The following SLC30A3 variants were observed in gnomAD, a reference collection of about 807,000 sequenced individuals.
SLC30A3 encodes probable proton-coupled zinc antiporter SLC30A3.
A neutral mutation model predicts 35.6 loss-of-function variants in SLC30A3; 20 were observed. The ratio of observed to expected loss-of-function variants is 0.56; its 90% CI spans 0.39 to 0.82. The LOEUF is 0.82. Ranked by LOEUF, SLC30A3 falls within the 40% of genes least tolerant of loss-of-function variation. The pLI, the probability that SLC30A3 is intolerant of heterozygous loss-of-function variation, is 0.00. For missense variants in SLC30A3, 401 were observed against 530.6 expected (o/e 0.76, Z 2.40); for synonymous variants, 217 against 224.7 (o/e 0.97, Z 0.31).
Position 27,262,652 on chromosome 2 carries a change from G to A in SLC30A3, c.95+160C>T, listed in dbSNP as rs947333119. ...CGTAGCCGGCTGTGTAGGGCTGGGC[G>A]CTCCGTGTGGCCAGAGGGGATGAAG... On this transcript the variant is annotated intron_variant, in intron 1 of 7. Transcript: ENST00000233535. The surrounding 1 kb of genome is among the most constrained non-coding windows in gnomAD (Gnocchi z 7.5). Among the ~76,000 whole-genome samples, 1 of 152,136 alleles carries A rather than the reference G, an allele frequency of 6.6e-6. No homozygotes were observed. Among genetic ancestry groups the A allele is most frequent in the Admixed American group, 6.5e-5 (1 of 15,292 alleles).
chr2:27,273,792 G>A (rs966690653), intron 1 of SLC30A3, among the ~76,000 whole-genome samples: 1 of 150,338 alleles, frequency 6.7e-6, no homozygotes, highest in African/African-American at 2.5e-5. Flanking sequence ...ATTTACAAGT[G>A]CACCTCTAAT....
intron 1 of SLC30A3, among the ~76,000 whole-genome samples, chr2:27,261,601 T>C (rs1677185905): frequency 6.6e-6 from 1 of 152,180 alleles, no homozygotes; most frequent in Admixed American, 6.5e-5. Flanking sequence ...GAAGCCTGGC[T>C]GTTGGTGTGT....
rs373256572 is a variant in SLC30A3 at position 27,258,070 on chromosome 2, G to C, written c.425-12C>G. ...AGCCCCCAGAGTCTCTGCGGGTGGG[G>C]GGGGAGACAAGCTGTCAGAGACCTG... On this transcript the variant is annotated splice_polypyrimidine_tract_variant and intron_variant, in intron 3 of 7. Transcript: ENST00000233535. This position sits in a 1 kb window ranked among gnomAD's most constrained non-coding sequence, Gnocchi z 4.0. 56 of 1,613,420 alleles carry C rather than the reference G, an allele frequency of 3.5e-5. No individual in the cohort carries two copies. Among genetic ancestry groups the C allele is most frequent in the Non-Finnish European group, 4.3e-5 (51 of 1,179,452 alleles).
In SLC30A3 at chr2:27,262,780, C is replaced by G. The variant is rs1572481633; in HGVS notation, c.95+32G>C. On this transcript the variant is annotated intron_variant, in intron 1 of 7. Transcript: ENST00000233535. This position sits in a 1 kb window ranked among gnomAD's most constrained non-coding sequence, Gnocchi z 7.5. The stretch of plus-strand genomic sequence containing the variant: ...GACGGAGGGTAGTAGGGTGGCGCCC[C>G]CGGGCCGAGGGCCAGCCCAGGTCTG... 6.7e-7 allele frequency: 1 copy of G among 1,503,520 alleles called. No individual in the cohort carries two copies. The highest frequency in any genetic ancestry group is 8.8e-7 in the Non-Finnish European group (1 of 1,132,870). 93.1% of individuals were successfully genotyped at this position (1,503,520 alleles called of 1,614,324 possible). A position where few individuals can be genotyped will look rare whatever the true frequency, so the allele number is the denominator to read the frequency against.
In SLC30A3 at chr2:27,256,828, G is replaced by A. The variant is rs780943941; in HGVS notation, c.843C>T (p.Thr281=). ...GAAGAACGTCTCGGAGGGTGGGAGC[G>A]GTGGATCCAAGGGCACAGATGGAGA... ...FLFSICALGS[T]APTLRDVLRI... Residue 281 remains threonine, a synonymous_variant, in exon 6 of 8, where the codon ACC becomes ACT. Coordinates refer to ENST00000233535, the MANE Select transcript of SLC30A3 (RefSeq NM_003459.5). The A allele has an allele frequency of 3.1e-6, 5 of 1,605,906 alleles. No homozygotes were observed. Among genetic ancestry groups the A allele is most frequent in the South Asian group, 2.2e-5 (2 of 90,190 alleles).
chr2:27,257,060 G>A lies in SLC30A3; in HGVS notation c.777+94C>T. On this transcript the variant is annotated intron_variant, in intron 5 of 7. Transcript: ENST00000233535. This position sits in a 1 kb window ranked among gnomAD's most constrained non-coding sequence, Gnocchi z 4.7. ...CCTGGGAGGTGGGAGGGAGGAGCTGGAGGGAGGAGGAAGGAAGCTTTGGGA... is the reference window on the plus strand; with the variant it reads ...CCTGGGAGGTGGGAGGGAGGAGCTGAAGGGAGGAGGAAGGAAGCTTTGGGA... 7.6e-7 allele frequency: 1 copy of A among 1,308,124 alleles called. No individual in the cohort carries two copies. Among genetic ancestry groups the A allele is most frequent in the Non-Finnish European group, 1.1e-6 (1 of 905,290 alleles). 81.0% of individuals were successfully genotyped at this position (1,308,124 alleles called of 1,614,324 possible).
chr2:27,257,376 A>G lies in SLC30A3; in HGVS notation c.579-24T>C, dbSNP rs771364267. 26 of 1,585,712 alleles carry G rather than the reference A, an allele frequency of 1.6e-5. No homozygotes were observed. The highest frequency in any genetic ancestry group is 1.5e-5 in the Non-Finnish European group (18 of 1,166,148). ...TTCTGAGGGGTAAGCAGAGCACCTC[A>G]GCCTAGGGCCCTGCTCCTGGCCTCC... On this transcript the variant is annotated intron_variant, in intron 4 of 7. Transcript: ENST00000233535. This position sits in a 1 kb window ranked among gnomAD's most constrained non-coding sequence, Gnocchi z 4.7.
At chr2:27,263,882 G>A, upstream of SLC30A3, 1 of 462,848 alleles carries the variant, frequency 2.2e-6, no homozygotes, top group Non-Finnish European at 4.1e-6. Flanking sequence ...ATGGAGAGGG[G>A]CTGAGGGGCA....
At chr2:27,267,728 A>T (rs1486133007), upstream of SLC30A3, among the ~76,000 whole-genome samples, 1 of 152,070 alleles carries the variant, frequency 6.6e-6, no homozygotes, top group African/African-American at 2.4e-5. Flanking sequence ...TGAGGTCAGG[A>T]GTTCGAGACC....
At chr2:27,273,259 C>T (rs1055813580) in intron 1 of SLC30A3, among the ~76,000 whole-genome samples, 11 of 151,872 alleles carry the variant, frequency 7.2e-5, no homozygotes, top group African/African-American at 2.4e-4. Flanking sequence ...TGGTCAAAGA[C>T]TCTTGAAATG....
upstream of SLC30A3, chr2:27,264,129 T>C: frequency 8.6e-7 from 1 of 1,156,668 alleles, no homozygotes; most frequent in Non-Finnish European, 1.2e-6. The surrounding 1 kb of genome is among the most constrained non-coding windows in gnomAD (Gnocchi z 6.1). Flanking sequence ...CTCGAAGCTG[T>C]GACAGTCTGT....
upstream of SLC30A3, chr2:27,275,508 C>T: frequency 3.0e-6 from 1 of 331,108 alleles, no homozygotes; most frequent in Non-Finnish European, 5.9e-6. Context: ...GTTTCACACC[C>T]AAAAGGATGA....
rs1410066683 is a variant in SLC30A3, at chr2:27,256,627, G to C, written c.884-107C>G. 9 of 1,487,660 alleles carry C rather than the reference G, an allele frequency of 6.0e-6. No homozygotes were observed. The East Asian group carries it at 6.9e-5, about 11-fold the overall frequency. The allele number at this position is 1,487,660 out of a possible 1,614,324, so 92.2% of individuals were successfully genotyped here. A position where few individuals can be genotyped will look rare whatever the true frequency, so the allele number is the denominator to read the frequency against. On this transcript the variant is annotated intron_variant, in intron 6 of 7. Coordinates refer to ENST00000233535, the MANE Select transcript of SLC30A3 (RefSeq NM_003459.5). Reference sequence around the variant, plus strand: ...CCTATCCTGTATGCACTCTCCTTTTGACCCCTACAATTCACCCTATGCCCA... The same window carrying C: ...CCTATCCTGTATGCACTCTCCTTTTCACCCCTACAATTCACCCTATGCCCA...
At position 27,254,925 on chromosome 2, in the gene SLC30A3, G is replaced by A; in HGVS notation, c.*387C>T. ...TCCCCCAGGCATAGGCACACCAACAGCACATAGACAGGCAGATGCCCCCAG... is the reference window on the plus strand; with the variant it reads ...TCCCCCAGGCATAGGCACACCAACAACACATAGACAGGCAGATGCCCCCAG... On this transcript the variant is annotated 3_prime_UTR_variant, in exon 8 of 8. Coordinates refer to ENST00000233535, the MANE Select transcript of SLC30A3 (RefSeq NM_003459.5). 1.9e-6 allele frequency: 1 copy of A among 523,470 alleles called. No individual in the cohort carries two copies. Among genetic ancestry groups the A allele is most frequent in the Non-Finnish European group, 3.0e-6 (1 of 333,720 alleles). The allele number at this position is 523,470 out of a possible 1,614,324, so 32.4% of individuals were successfully genotyped here.
At chr2:27,273,007 G>A (rs1677790502) in intron 1 of SLC30A3, among the ~76,000 whole-genome samples, 1 of 147,778 alleles carries the variant, frequency 6.8e-6, no homozygotes, top group Non-Finnish European at 1.5e-5. Flanking sequence ...CTGTGATTGT[G>A]TCACTGCACT....
At chr2:27,263,844 C>T (rs1677358321), upstream of SLC30A3, among the ~76,000 whole-genome samples, 2 of 146,400 alleles carry the variant, frequency 1.4e-5, no homozygotes, top group Admixed American at 7.1e-5. Context: ...GAAGTCGAGC[C>T]GCCTATCTGG....
In SLC30A3 at chr2:27,258,145, C is replaced by T. The variant is rs909415992; in HGVS notation, c.424+16G>A. 1.3e-6 allele frequency: 2 copies of T among 1,598,896 alleles called. No individual in the cohort carries two copies. Among genetic ancestry groups the T allele is most frequent in the Non-Finnish European group, 1.7e-6 (2 of 1,169,552 alleles). On this transcript the variant is annotated intron_variant, in intron 3 of 7. Transcript: ENST00000233535. The surrounding 1 kb of genome is among the most constrained non-coding windows in gnomAD (Gnocchi z 4.0). ...TGGCAAGATTGGAGAGTCACTGGGC[C>T]ATGCAGGGGCCTTACCTGAACGGTG...
In SLC30A3 at chr2:27,258,544, C is replaced by G. The variant is rs1383608402; in HGVS notation, c.277+209G>C. 1.2e-5 allele frequency: 8 copies of G among 667,408 alleles called. No homozygotes were observed. Among genetic ancestry groups the G allele is most frequent in the Non-Finnish European group, 2.0e-5 (8 of 405,458 alleles). The allele number at this position is 667,408 out of a possible 1,614,324, so 41.3% of individuals were successfully genotyped here. A position where few individuals can be genotyped will look rare whatever the true frequency, so the allele number is the denominator to read the frequency against. The stretch of plus-strand genomic sequence containing the variant: ...AATAGGGTTTTTAAAAGAAGTCAGC[C>G]CTGACCTACTGGCCCCGGACCTCGG... On this transcript the variant is annotated intron_variant, in intron 2 of 7. Coordinates refer to ENST00000233535, the MANE Select transcript of SLC30A3 (RefSeq NM_003459.5). This position sits in a 1 kb window ranked among gnomAD's most constrained non-coding sequence, Gnocchi z 4.0.
upstream of SLC30A3, chr2:27,263,905 G>A (rs2148139901): frequency 1.9e-6 from 1 of 533,766 alleles, no homozygotes; most frequent in East Asian, 6.9e-5. Flanking sequence ...GGGGCAGCGT[G>A]TCAGCTAGTG....
Sources: gnomAD v4.1 joint callset for allele counts (sites outside exome capture counted in the v4.1 genomes callset) on GRCh38, gnomAD v4.1.1 for gene constraint, Gnocchi (gnomAD v3.1) non-coding constraint, MANE v1.5 for transcripts, NCBI Gene and HGNC (gene_info 2026-07-23, HGNC 2026-07-21) for gene names.